BANK1: variants seen among roughly 807,000 people sequenced by gnomAD.
BANK1 encodes B-cell scaffold protein with ankyrin repeats.
In BANK1, 95 loss-of-function variants were observed where a neutral mutation model predicts 94.5. The observed-to-expected ratio is 1.00, with a 90% CI of 0.85 to 1.19. The LOEUF (loss-of-function observed/expected upper bound fraction) is 1.19, where lower values mean the gene tolerates loss of function less well. BANK1 is among the 50% of genes most tolerant of loss of function. The pLI is 0.00. For missense variants in BANK1, 987 were observed against 932.2 expected (o/e 1.06, Z -0.77); for synonymous variants, 334 against 308.4 (o/e 1.08, Z -0.87).
chr4:101,872,237 C>T (rs1367817419), intron 5 of BANK1, among the ~76,000 whole-genome samples: 1 of 152,028 alleles, frequency 6.6e-6, no homozygotes, highest in Admixed American at 6.6e-5. Context: ...CAAACCATGG[C>T]ATGGCAAGGA....
At chr4:101,869,385 C>G (rs1728196120) in intron 4 of BANK1, among the ~76,000 whole-genome samples, 1 of 151,794 alleles carries the variant, frequency 6.6e-6, no homozygotes, top group Non-Finnish European at 1.5e-5. Flanking sequence ...TGTAATTTCT[C>G]TTACATTCTC....
At chr4:101,933,967 C>T (rs1723443845) in intron 7 of BANK1, among the ~76,000 whole-genome samples, 1 of 151,448 alleles carries the variant, frequency 6.6e-6, no homozygotes, top group Non-Finnish European at 1.5e-5. Context: ...TGCTGCCAAA[C>T]AGACAAACAA....
chr4:101,814,356 T>A (rs4572885), intron 1 of BANK1, among the ~76,000 whole-genome samples: 77,411 of 151,982 alleles, frequency 0.51, 22,156 homozygotes, highest in African/African-American at 0.79. Flanking sequence ...ATGATTATGC[T>A]TACTGTCTTT....
intron 1 of BANK1, among the ~76,000 whole-genome samples, chr4:101,810,223 G>A (rs1047497766): frequency 6.6e-6 from 1 of 152,124 alleles, no homozygotes; most frequent in Non-Finnish European, 1.5e-5. Context: ...ATGTAGCCCT[G>A]CAAATATCTG....
chr4:102,021,520 G>T lies in BANK1; in HGVS notation c.1213G>T (p.Glu405Ter). 7.0e-7 allele frequency: 1 copy of T among 1,424,826 alleles called. No individual in the cohort carries two copies. The highest frequency in any genetic ancestry group is 1.4e-5 in the South Asian group (1 of 70,242). 88.3% of individuals were successfully genotyped at this position (1,424,826 alleles called of 1,614,324 possible). A position where few individuals can be genotyped will look rare whatever the true frequency, so the allele number is the denominator to read the frequency against. ...KKIFEDFSIQ[E>*]IDINNEQEND... ...AAAATTACATTTTTTTCAGATCCAA[G>T]AAATTGACATAAATAATGAGCAAGA... Residue 405 changes from glutamate (E) to a stop codon, truncating the protein, a stop_gained, in exon 8 of 17, where the codon GAA becomes TAA. Transcript: ENST00000322953. LOFTEE classifies it high-confidence loss of function.
chr4:101,974,793 C>A (rs1432771305), intron 7 of BANK1, among the ~76,000 whole-genome samples: 16 of 146,544 alleles, frequency 1.1e-4, no homozygotes, highest in African/African-American at 1.0e-4. Flanking sequence ...ACTAAAAATA[C>A]AAAAAAAAAA....
chr4:101,933,702 A>G (rs1283635797), intron 7 of BANK1, among the ~76,000 whole-genome samples: 3 of 151,526 alleles, frequency 2.0e-5, no homozygotes, highest in African/African-American at 7.3e-5. Context: ...AGTAGCATCA[A>G]CTGTGTAGCA....
At chr4:102,009,905 A>G (rs1260624749) in intron 7 of BANK1, among the ~76,000 whole-genome samples, 1 of 152,116 alleles carries the variant, frequency 6.6e-6, no homozygotes, top group Non-Finnish European at 1.5e-5. Context: ...TTATATTCTC[A>G]TTTGCCTAAC....
chr4:101,866,413 T>A (rs1022925561), intron 4 of BANK1, among the ~76,000 whole-genome samples: 1 of 152,082 alleles, frequency 6.6e-6, no homozygotes, highest in Non-Finnish European at 1.5e-5. Context: ...GTAATTGGAA[T>A]ACAAGAAGAA....
chr4:101,918,340 G>C, intron 7 of BANK1, 151 bp downstream of exon 7: 1 of 446,738 alleles, frequency 2.2e-6, no homozygotes, highest in East Asian at 3.4e-5. Flanking sequence ...ATAATCGTTA[G>C]GTTGCAGAAA....
chr4:101,922,009 C>CAT (rs369185640), intron 7 of BANK1, among the ~76,000 whole-genome samples: 2 of 129,450 alleles, frequency 1.5e-5, no homozygotes, highest in East Asian at 4.7e-4. Context: ...ACACTGGGCC[C>CAT]GTGTGTGTGT....
At chr4:101,907,976 C>T (rs1722516768) in intron 6 of BANK1, among the ~76,000 whole-genome samples, 1 of 152,168 alleles carries the variant, frequency 6.6e-6, no homozygotes, top group African/African-American at 2.4e-5. Flanking sequence ...AATAGCCATA[C>T]TGCCCAAGGT....
intron 2 of BANK1, among the ~76,000 whole-genome samples, chr4:101,830,674 CATTA>C (rs1405761510): frequency 1.3e-5 from 2 of 152,068 alleles, no homozygotes; most frequent in African/African-American, 2.4e-5. Context: ...TACCAGGTCC[CATTA>C]ATTAATTAAT....
intron 1 of BANK1, among the ~76,000 whole-genome samples, chr4:101,811,384 A>G (rs1271713546): frequency 1.3e-5 from 2 of 152,104 alleles, no homozygotes; most frequent in African/African-American, 4.8e-5. Flanking sequence ...TTGGGATAGG[A>G]TCATATGGAA....
At chr4:101,844,701 A>G (rs994801797) in intron 2 of BANK1, among the ~76,000 whole-genome samples, 1 of 152,214 alleles carries the variant, frequency 6.6e-6, no homozygotes, top group Non-Finnish European at 1.5e-5. Context: ...TTCTCAGAAG[A>G]TAATGGTTGC....
chr4:102,072,482 C>A, intron 15 of BANK1, 82 bp downstream of exon 15: 3 of 1,072,026 alleles, frequency 2.8e-6, no homozygotes, highest in African/African-American at 1.6e-5. Flanking sequence ...TCTATCCTGT[C>A]TATGCTTTTA....
intron 7 of BANK1, among the ~76,000 whole-genome samples, chr4:101,947,641 TA>T (rs1723982881): frequency 6.6e-6 from 1 of 151,742 alleles, no homozygotes; most frequent in Non-Finnish European, 1.5e-5. Context: ...CATAAACCAA[TA>T]AAATATAATC....
intron 7 of BANK1, among the ~76,000 whole-genome samples, chr4:102,007,367 T>C (rs1189509030): frequency 1.3e-5 from 2 of 150,962 alleles, no homozygotes; most frequent in East Asian, 3.9e-4. Flanking sequence ...TTACAAACAT[T>C]TGTCAAATAG....
intron 2 of BANK1, among the ~76,000 whole-genome samples, chr4:101,842,320 C>G (rs1431493473): frequency 6.6e-6 from 1 of 152,190 alleles, no homozygotes; most frequent in South Asian, 2.1e-4. Context: ...CACGATTGAT[C>G]AATTCCTTTA....
Sources: gnomAD v4.1 joint callset for allele counts (sites outside exome capture counted in the v4.1 genomes callset) on GRCh38, gnomAD v4.1.1 for gene constraint, MANE v1.5 for transcripts, NCBI Gene and HGNC (gene_info 2026-07-23, HGNC 2026-07-21) for gene names.